CTNNA2: variants seen among roughly 807,000 people sequenced by gnomAD.
The protein encoded by CTNNA2 is catenin alpha 2, also known as catenin alpha-2.
Under a neutral mutation model 101.0 loss-of-function variants are expected in CTNNA2, and 42 were observed. The ratio of observed to expected loss-of-function variants is 0.42; its 90% CI spans 0.32 to 0.54. The LOEUF is 0.54. Ranked by LOEUF, CTNNA2 falls within the 20% of genes least tolerant of loss-of-function variation. CTNNA2 has a pLI of 0.14. For synonymous variants in CTNNA2, 450 were observed against 456.4 expected, an observed-to-expected ratio of 0.99 and a Z score of 0.18; for missense variants, 871 against 1,223.1, an observed-to-expected ratio of 0.71 and a Z score of 4.29.
At chr2:80,180,430 C>G in intron 7 of CTNNA2, among the ~76,000 whole-genome samples, 1 of 152,150 alleles carries the variant, frequency 6.6e-6, no homozygotes, top group East Asian at 1.9e-4. Flanking sequence ...TAGACAATGC[C>G]AGAGCTCTAC....
chr2:80,516,243 A>G (rs1232257535), intron 9 of CTNNA2, among the ~76,000 whole-genome samples: 1 of 152,198 alleles, frequency 6.6e-6, no homozygotes, highest in Non-Finnish European at 1.5e-5. Flanking sequence ...ATATCTAAGC[A>G]ACATTGGGTT....
intron 2 of CTNNA2, among the ~76,000 whole-genome samples, chr2:79,733,938 A>G (rs1687359375): frequency 6.6e-6 from 1 of 152,128 alleles, no homozygotes; most frequent in African/African-American, 2.4e-5. Flanking sequence ...TTTGCCTAAC[A>G]TACTATTGAT....
At chr2:80,309,698 T>G (rs1677359901) in intron 7 of CTNNA2, among the ~76,000 whole-genome samples, 1 of 136,356 alleles carries the variant, frequency 7.3e-6, no homozygotes. Context: ...TCTATTTACA[T>G]TTTTTTTTGT....
At chr2:79,956,914 AAAAAT>A (rs1441792449) in intron 7 of CTNNA2, among the ~76,000 whole-genome samples, 1 of 145,634 alleles carries the variant, frequency 6.9e-6, no homozygotes, top group East Asian at 2.0e-4. Flanking sequence ...AAGGAAATGA[AAAAAT>A]AAAGTGGATC....
chr2:79,487,265 T>C (rs1413933116), intron 4 of CTNNA2, among the ~76,000 whole-genome samples: 1 of 151,996 alleles, frequency 6.6e-6, no homozygotes, highest in Non-Finnish European at 1.5e-5. Flanking sequence ...CAAAAAACTA[T>C]CTTTAGTTAT....
intron 7 of CTNNA2, among the ~76,000 whole-genome samples, chr2:80,144,101 A>G (rs1157357202): frequency 2.0e-5 from 3 of 152,136 alleles, no homozygotes; most frequent in African/African-American, 4.8e-5. Context: ...GCCCCGTGCA[A>G]TCTTTTAGCT....
chr2:79,218,733 G>A (rs1448412721), intron 2 of CTNNA2, among the ~76,000 whole-genome samples: 4 of 152,116 alleles, frequency 2.6e-5, no homozygotes, highest in South Asian at 2.1e-4. Flanking sequence ...TGGAAACTGC[G>A]TTGGTGATAA....
chr2:80,503,923 T>C (rs1490756446), intron 9 of CTNNA2, among the ~76,000 whole-genome samples: 1 of 152,126 alleles, frequency 6.6e-6, no homozygotes, highest in Non-Finnish European at 1.5e-5. Context: ...AGGAGCTGGG[T>C]TAGAACTGGA....
chr2:79,599,487 A>G (rs1247907660), intron 1 of CTNNA2, among the ~76,000 whole-genome samples: 1 of 152,178 alleles, frequency 6.6e-6, no homozygotes. Context: ...GATTACCCTA[A>G]GATTCTCTGT....
At chr2:79,219,752 CAG>C (rs1674318116) in intron 2 of CTNNA2, among the ~76,000 whole-genome samples, 1 of 152,174 alleles carries the variant, frequency 6.6e-6, no homozygotes, top group African/African-American at 2.4e-5. Flanking sequence ...CACCATGGAA[CAG>C]GGCAAATGAA....
chr2:79,647,932 G>A (rs1380876457), intron 1 of CTNNA2, among the ~76,000 whole-genome samples: 1 of 152,134 alleles, frequency 6.6e-6, no homozygotes, highest in Non-Finnish European at 1.5e-5. Flanking sequence ...TGACTCTTAT[G>A]GCAGAAGGCA....
intron 2 of CTNNA2, among the ~76,000 whole-genome samples, chr2:79,657,534 T>C (rs544788877): frequency 6.6e-6 from 1 of 152,030 alleles, no homozygotes; most frequent in Non-Finnish European, 1.5e-5. Flanking sequence ...CTTTAAATGA[T>C]TCCAACCATA....
chr2:79,304,147 A>G (rs1231296644), intron 2 of CTNNA2, among the ~76,000 whole-genome samples: 2 of 152,108 alleles, frequency 1.3e-5, no homozygotes, highest in Admixed American at 1.3e-4. Flanking sequence ...TAAGGCACAT[A>G]TCTAAATCGA....
chr2:80,556,719 A>G (rs1693070211), intron 12 of CTNNA2, among the ~76,000 whole-genome samples: 1 of 142,740 alleles, frequency 7.0e-6, no homozygotes, highest in African/African-American at 2.4e-5. Flanking sequence ...TATATATGAG[A>G]TAAGATATAT....
At position 80,112,929 on chromosome 2, in the gene CTNNA2, G is replaced by T. The variant is rs951033658; in HGVS notation, c.1056+203132G>T. On this transcript the variant is annotated intron_variant, in intron 7 of 18. Transcript: ENST00000402739. Reference sequence around the variant, plus strand: ...CTCCACCCATTAGAGAGCTAATCAGGAGCCAGCTGTGACTGTGACTGGAGC... The same window carrying T: ...CTCCACCCATTAGAGAGCTAATCAGTAGCCAGCTGTGACTGTGACTGGAGC... 4.6e-5 allele frequency among the ~76,000 whole-genome samples: 7 copies of T among 152,136 alleles called. No individual in the cohort carries two copies. In the South Asian group the frequency reaches 1.0e-3, roughly 23 times the overall value.
intron 3 of CTNNA2, among the ~76,000 whole-genome samples, chr2:79,358,712 A>C (rs1023976058): frequency 4.6e-5 from 7 of 152,326 alleles, no homozygotes; most frequent in Middle Eastern, 3.4e-3. Flanking sequence ...TCTAAATTTA[A>C]GTCTAAATAT....
chr2:80,105,971 G>A (rs531199484), intron 7 of CTNNA2, among the ~76,000 whole-genome samples: 186 of 152,240 alleles, frequency 1.2e-3, no homozygotes, highest in Non-Finnish European at 2.3e-3. Context: ...GGGTTCAATC[G>A]CTTGGCAGGT....
At chr2:80,534,603 C>T (rs888329749) in intron 9 of CTNNA2, among the ~76,000 whole-genome samples, 3 of 152,174 alleles carry the variant, frequency 2.0e-5, no homozygotes, top group African/African-American at 7.2e-5. Context: ...GAAGTGGCTA[C>T]TTGAGCAATC....
chr2:79,332,666 T>G (rs144665180), intron 3 of CTNNA2, among the ~76,000 whole-genome samples: 148 of 152,344 alleles, frequency 9.7e-4, no homozygotes, highest in African/African-American at 3.5e-3. Flanking sequence ...ATTAGAGTGT[T>G]GTATTTTGTT....
Sources: allele counts gnomAD v4.1 joint callset (sites outside exome capture counted in the v4.1 genomes callset), GRCh38; gene constraint gnomAD v4.1.1; transcripts MANE v1.5; gene names NCBI Gene and HGNC (gene_info 2026-07-23, HGNC 2026-07-21).